The following TMEM132C variants were observed in gnomAD, a reference collection of about 807,000 sequenced individuals.
The protein encoded by TMEM132C is protein phosphatase 1, regulatory subunit 152.
Under a neutral mutation model 61.4 loss-of-function variants are expected in TMEM132C, and 29 were observed. That is an observed-to-expected ratio of 0.47 (90% CI 0.35 to 0.64). The LOEUF (loss-of-function observed/expected upper bound fraction) is 0.64, where lower values mean the gene tolerates loss of function less well. TMEM132C is among the 30% of genes least tolerant of loss of function. The probability of loss-of-function intolerance (pLI) is 0.00; values close to 1 mark genes in which losing one functional copy is unlikely to be tolerated. For synonymous variants in TMEM132C, 656 were observed against 633.1 expected, an observed-to-expected ratio of 1.04 and a Z score of -0.54; for missense variants, 1,408 against 1,476.9, an observed-to-expected ratio of 0.95 and a Z score of 0.76.
rs1472538065 is a variant in TMEM132C, at chr12:128,627,712, A to T, written c.1305+11377A>T. On this transcript the variant is annotated intron_variant, in intron 4 of 8. Transcript: ENST00000435159. Reference sequence around the variant, plus strand: ...TGGGTCCCCTGTCCTGCTGCCTTCAACCCCAGACAGCAGGTACTGTAGGTC... The same window carrying T: ...TGGGTCCCCTGTCCTGCTGCCTTCATCCCCAGACAGCAGGTACTGTAGGTC... Among the ~76,000 whole-genome samples, 3 of 151,982 alleles carry T rather than the reference A, an allele frequency of 2.0e-5. No individual in the cohort carries two copies. The East Asian group carries it at 5.8e-4, about 29-fold the overall frequency.
intron 3 of TMEM132C, among the ~76,000 whole-genome samples, chr12:128,565,586 A>G (rs76493927): frequency 0.025 from 3,766 of 152,330 alleles, 157 homozygotes; most frequent in African/African-American, 0.086. Flanking sequence ...ATCTCCATGG[A>G]TATCATTTCA....
chr12:128,454,873 C>G (rs1231895578), intron 2 of TMEM132C, among the ~76,000 whole-genome samples: 1 of 152,224 alleles, frequency 6.6e-6, no homozygotes, highest in Non-Finnish European at 1.5e-5. Flanking sequence ...CGGGTTGTCA[C>G]AGAGACAGGA....
At chr12:128,349,556 A>C (rs1280007192) in intron 1 of TMEM132C, among the ~76,000 whole-genome samples, 1 of 152,188 alleles carries the variant, frequency 6.6e-6, no homozygotes, top group Non-Finnish European at 1.5e-5. Flanking sequence ...GAATATTCAT[A>C]CATACACTCC....
At chr12:128,328,798 A>AT (rs1234904483) in intron 1 of TMEM132C, among the ~76,000 whole-genome samples, 3 of 151,610 alleles carry the variant, frequency 2.0e-5, no homozygotes, top group Non-Finnish European at 4.4e-5. Context: ...AAAAAAAAAA[A>AT]AAAAAAAAAA....
chr12:128,597,206 A>G (rs1443128046), intron 3 of TMEM132C, among the ~76,000 whole-genome samples: 1 of 152,208 alleles, frequency 6.6e-6, no homozygotes, highest in African/African-American at 2.4e-5. Flanking sequence ...GGGGACATGC[A>G]CAGTGGGTCA....
At chr12:128,586,219 T>G (rs944337881) in intron 3 of TMEM132C, among the ~76,000 whole-genome samples, 2 of 152,100 alleles carry the variant, frequency 1.3e-5, no homozygotes, top group African/African-American at 2.4e-5. Flanking sequence ...TTTGAAAGTC[T>G]GCCACTGCAT....
chr12:128,356,808 C>CT (rs1873520710), intron 1 of TMEM132C, among the ~76,000 whole-genome samples: 1 of 152,224 alleles, frequency 6.6e-6, no homozygotes, highest in African/African-American at 2.4e-5. Flanking sequence ...TGCAGTGAGT[C>CT]TTGTGCTTGT....
chr12:128,435,523 T>A (rs1443287433), intron 2 of TMEM132C, among the ~76,000 whole-genome samples: 1 of 152,164 alleles, frequency 6.6e-6, no homozygotes, highest in Non-Finnish European at 1.5e-5. Flanking sequence ...AACAGCCAAA[T>A]CATGTGTGAA....
intron 3 of TMEM132C, among the ~76,000 whole-genome samples, chr12:128,599,574 A>G (rs1466168317): frequency 1.3e-5 from 2 of 152,240 alleles, no homozygotes; most frequent in Admixed American, 1.3e-4. Flanking sequence ...GGCTGCACAT[A>G]GGGATACCCC....
intron 1 of TMEM132C, among the ~76,000 whole-genome samples, chr12:128,271,278 TAATAATAATAATA>T (rs1176234207): frequency 1.0e-4 from 4 of 38,236 alleles, no homozygotes; most frequent in African/African-American, 2.3e-4. Context: ...ATAATAATAA[TAATAATAATAATA>T]ATAATAATAA....
intron 3 of TMEM132C, among the ~76,000 whole-genome samples, chr12:128,558,341 G>A (rs909452473): frequency 7.2e-5 from 11 of 152,144 alleles, no homozygotes; most frequent in African/African-American, 2.7e-4. Context: ...CGGTGGGAGG[G>A]AATTGAATCA....
chr12:128,456,527 C>T (rs1870351155), intron 2 of TMEM132C, among the ~76,000 whole-genome samples: 1 of 150,844 alleles, frequency 6.6e-6, no homozygotes, highest in Non-Finnish European at 1.5e-5. Context: ...CCAGCTCAGC[C>T]TCCCAAGTAG....
chr12:128,268,219 A>G (rs920386365), intron 1 of TMEM132C, among the ~76,000 whole-genome samples: 2 of 152,152 alleles, frequency 1.3e-5, no homozygotes, highest in South Asian at 2.1e-4. Flanking sequence ...CTTCTCTACA[A>G]TGGGAGTGAC....
At chr12:128,632,145 G>A (rs576565358) in intron 4 of TMEM132C, among the ~76,000 whole-genome samples, 1 of 152,268 alleles carries the variant, frequency 6.6e-6, no homozygotes, top group South Asian at 2.1e-4. Flanking sequence ...CCGGAGTGAG[G>A]CATCCGGGCC....
chr12:128,507,115 T>G (rs1872389020), intron 2 of TMEM132C, among the ~76,000 whole-genome samples: 1 of 152,110 alleles, frequency 6.6e-6, no homozygotes, highest in Non-Finnish European at 1.5e-5. Flanking sequence ...TTTCCACCAT[T>G]TTTTTCTTGC....
chr12:128,366,363 T>A (rs970182776), intron 1 of TMEM132C, among the ~76,000 whole-genome samples: 1 of 152,220 alleles, frequency 6.6e-6, no homozygotes, highest in African/African-American at 2.4e-5. Context: ...CAGTGCGAAC[T>A]TGCTGACTTT....
chr12:128,354,275 C>T (rs1004431512), intron 1 of TMEM132C, among the ~76,000 whole-genome samples: 6 of 152,070 alleles, frequency 3.9e-5, no homozygotes, highest in African/African-American at 9.7e-5. Flanking sequence ...CTCTCTGATC[C>T]GGCCACTCAG....
At chr12:128,297,941 A>C (rs1267081199) in intron 1 of TMEM132C, among the ~76,000 whole-genome samples, 2 of 152,166 alleles carry the variant, frequency 1.3e-5, no homozygotes, top group Non-Finnish European at 2.9e-5. Flanking sequence ...CATGATGATG[A>C]CTTCAATATC....
chr12:128,589,861 C>T (rs982135323), intron 3 of TMEM132C, among the ~76,000 whole-genome samples: 1 of 152,140 alleles, frequency 6.6e-6, no homozygotes, highest in Non-Finnish European at 1.5e-5. Flanking sequence ...AGCGTACTTA[C>T]CTCCCGGGGT....
Sources: gnomAD v4.1 joint callset for allele counts (sites outside exome capture counted in the v4.1 genomes callset) on GRCh38, gnomAD v4.1.1 for gene constraint, MANE v1.5 for transcripts, NCBI Gene and HGNC (gene_info 2026-07-23, HGNC 2026-07-21) for gene names.